Variants in CATSPERE observed in about 807,000 individuals in gnomAD.
CATSPERE encodes cation channel sperm-associated auxiliary subunit epsilon.
In CATSPERE, 93 loss-of-function variants were observed where a neutral mutation model predicts 114.1. That is an observed-to-expected ratio of 0.81 (90% CI 0.69 to 0.97). The LOEUF is 0.97. Among genes scored for constraint, CATSPERE ranks in the 50% least tolerant of loss-of-function variants. The probability of loss-of-function intolerance (pLI) is 0.00; values close to 1 mark genes in which losing one functional copy is unlikely to be tolerated. For missense variants in CATSPERE, 1,058 were observed against 1,131.6 expected (o/e 0.93, Z 0.93); for synonymous variants, 341 against 384.1 (o/e 0.89, Z 1.31).
intron 9 of CATSPERE, among the ~76,000 whole-genome samples, chr1:244,554,863 C>G (rs1661335191): frequency 6.6e-6 from 1 of 152,034 alleles, no homozygotes; most frequent in Non-Finnish European, 1.5e-5. Context: ...ATTCCTGATG[C>G]ACATAAAACA....
At chr1:244,466,992 G>T (rs576497968) in intron 2 of CATSPERE, among the ~76,000 whole-genome samples, 1 of 152,278 alleles carries the variant, frequency 6.6e-6, no homozygotes, top group South Asian at 2.1e-4. Flanking sequence ...AGGGTTCCTG[G>T]TTTCCAGCTC....
intron 18 of CATSPERE, among the ~76,000 whole-genome samples, chr1:244,609,996 A>G (rs1353884796): frequency 6.6e-6 from 1 of 152,170 alleles, no homozygotes; most frequent in African/African-American, 2.4e-5. Flanking sequence ...GCAGTGAGCT[A>G]TGATCTTCCC....
chr1:244,626,959 G>A (rs534102262), intron 20 of CATSPERE, among the ~76,000 whole-genome samples: 15 of 152,246 alleles, frequency 9.9e-5, no homozygotes, highest in Admixed American at 5.2e-4. Context: ...GCTAACTGTC[G>A]GTGCAAGCCC....
chr1:244,590,506 T>G (rs1667586320), intron 14 of CATSPERE, among the ~76,000 whole-genome samples: 1 of 152,238 alleles, frequency 6.6e-6, no homozygotes, highest in African/African-American at 2.4e-5. Flanking sequence ...CTTCACGATG[T>G]TGTACAGCTA....
At chr1:244,498,971 TA>T (rs566600645) in intron 6 of CATSPERE, 30 bp from the exon 7 acceptor site, 68 of 1,524,912 alleles carry the variant, frequency 4.5e-5, no homozygotes, top group Non-Finnish European at 6.0e-5. Context: ...GTACAAAATG[TA>T]AAGAAATGCA....
chr1:244,571,197 T>C (rs2148572236), intron 10 of CATSPERE, among the ~76,000 whole-genome samples: 1 of 152,332 alleles, frequency 6.6e-6, no homozygotes, highest in Non-Finnish European at 1.5e-5. Flanking sequence ...ATATTTCTGA[T>C]TAGATAAGTT....
intron 7 of CATSPERE, among the ~76,000 whole-genome samples, chr1:244,507,851 C>T (rs943514139): frequency 3.3e-5 from 5 of 152,024 alleles, no homozygotes; most frequent in Non-Finnish European, 7.4e-5. Flanking sequence ...TATAACAATA[C>T]CATGCTGTTT....
At chr1:244,538,797 G>C (rs10927246) in intron 8 of CATSPERE, among the ~76,000 whole-genome samples, 18,718 of 152,082 alleles carry the variant, frequency 0.12, 1,941 homozygotes, top group African/African-American at 0.28. Context: ...CACCCCACAG[G>C]ACACATTGGG....
chr1:244,477,504 T>G (rs997102669), intron 2 of CATSPERE, 37 bp from the exon 3 acceptor site: 8 of 1,192,450 alleles, frequency 6.7e-6, no homozygotes, highest in South Asian at 1.3e-5. Context: ...AAAGTTTGAA[T>G]GATATTTTTT....
chr1:244,590,382 G>T (rs1330993607), intron 14 of CATSPERE, among the ~76,000 whole-genome samples: 1 of 152,058 alleles, frequency 6.6e-6, no homozygotes, highest in African/African-American at 2.4e-5. Context: ...TTTTCTATGA[G>T]TTTTTTTGTG....
chr1:244,586,048 T>C (rs1318610008), intron 13 of CATSPERE, among the ~76,000 whole-genome samples: 1 of 152,166 alleles, frequency 6.6e-6, no homozygotes, highest in Non-Finnish European at 1.5e-5. Flanking sequence ...GTCCAACTCT[T>C]GGTTAAGGCA....
intron 8 of CATSPERE, 109 bp downstream of exon 8, chr1:244,518,807 C>T: frequency 1.8e-6 from 1 of 556,672 alleles, no homozygotes; most frequent in Non-Finnish European, 3.0e-6. Flanking sequence ...TTTCAAGTGC[C>T]TTCTTTTATA....
chr1:244,558,050 A>G (rs187920736), intron 9 of CATSPERE, among the ~76,000 whole-genome samples: 1 of 151,814 alleles, frequency 6.6e-6, no homozygotes, highest in Non-Finnish European at 1.5e-5. Context: ...TGCTGGCCTC[A>G]AGCAATTCTC....
At chr1:244,612,023 A>G (rs1241583913) in intron 19 of CATSPERE, among the ~76,000 whole-genome samples, 4 of 152,208 alleles carry the variant, frequency 2.6e-5, no homozygotes, top group Admixed American at 2.6e-4. Context: ...TGATATGCTG[A>G]TCTGGGGACT....
chr1:244,526,139 G>T (rs916849160), intron 8 of CATSPERE, among the ~76,000 whole-genome samples: 12 of 152,196 alleles, frequency 7.9e-5, no homozygotes, highest in Admixed American at 1.3e-4. Context: ...GGAAAGTGTG[G>T]TGACACATGC....
At chr1:244,473,580 CT>C (rs1360747623) in intron 2 of CATSPERE, among the ~76,000 whole-genome samples, 1 of 152,024 alleles carries the variant, frequency 6.6e-6, no homozygotes, top group Non-Finnish European at 1.5e-5. Flanking sequence ...TTAACAGTGT[CT>C]TTTACAGAGC....
chr1:244,606,184 T>C lies in CATSPERE; in HGVS notation c.2403+390T>C, dbSNP rs114792018. On this transcript the variant is annotated intron_variant, in intron 18 of 21. Coordinates refer to ENST00000366534, the MANE Select transcript of CATSPERE (RefSeq NM_001130957.2). ...TTGACTTCCCTGCATCATTTGACCC[T>C]GCTGACTTTGGCTTCAGTGTCCCTA... Among the ~76,000 whole-genome samples, 1,169 of 152,148 alleles carry C rather than the reference T, an allele frequency of 7.7e-3. 16 individuals carry two copies. The highest frequency in any genetic ancestry group is 0.018 in the African/African-American group (767 of 41,488).
chr1:244,535,838 G>A (rs962122696), intron 8 of CATSPERE, among the ~76,000 whole-genome samples: 5 of 152,162 alleles, frequency 3.3e-5, no homozygotes, highest in Admixed American at 2.6e-4. Flanking sequence ...CAAGCAGAAG[G>A]AGTCTCTCTT....
chr1:244,477,610 A>G lies in CATSPERE; in HGVS notation c.184A>G (p.Lys62Glu), dbSNP rs1318622817. 2 of 1,573,318 alleles carry G rather than the reference A, an allele frequency of 1.3e-6. No homozygotes were observed. The highest frequency in any genetic ancestry group is 1.7e-6 in the Non-Finnish European group (2 of 1,144,050). The change falls in exon 3 of 22, where the codon AAA (lysine) becomes GAA (glutamate). Residue 62 changes from lysine (K) to glutamate (E), a missense_variant. By Grantham distance (56) the Lys-to-Glu change is moderately conservative. Coordinates refer to ENST00000366534, the MANE Select transcript of CATSPERE (RefSeq NM_001130957.2). The stretch of plus-strand genomic sequence containing the variant: ...GCCAGAAACTTGTTTTGTGCTAAAT[A>G]AAAGGTAAGATTTATGCCATGAATA... ...SVPETCFVLN[K>E]SSPTTELRCS...
Sources: gnomAD v4.1 joint callset for allele counts (sites outside exome capture counted in the v4.1 genomes callset) on GRCh38, gnomAD v4.1.1 for gene constraint, MANE v1.5 for transcripts, NCBI Gene and HGNC (gene_info 2026-07-23, HGNC 2026-07-21) for gene names.